Variants in HECW1 observed in about 807,000 individuals in gnomAD.
The protein encoded by HECW1 is E3 ubiquitin-protein ligase HECW1.
Under a neutral mutation model 182.3 loss-of-function variants are expected in HECW1, and 61 were observed. That is an observed-to-expected ratio of 0.33 (90% CI 0.27 to 0.41). HECW1 has a LOEUF of 0.41. Ranked by LOEUF, HECW1 falls within the 10% of genes least tolerant of loss-of-function variation. The pLI, the probability that HECW1 is intolerant of heterozygous loss-of-function variation, is 1.00. For synonymous variants in HECW1, 859 were observed against 832.6 expected (o/e 1.03, Z -0.55); for missense variants, 1,739 against 2,108.9 (o/e 0.82, Z 3.44).
chr7:43,414,821 G>C (rs2075932793), intron 8 of HECW1, among the ~76,000 whole-genome samples: 1 of 151,792 alleles, frequency 6.6e-6, no homozygotes, highest in Admixed American at 6.6e-5. Context: ...TGATCATGGT[G>C]GATAAGCTTT....
intron 8 of HECW1, among the ~76,000 whole-genome samples, chr7:43,436,301 C>T (rs922185889): frequency 2.0e-5 from 3 of 152,044 alleles, no homozygotes; most frequent in Non-Finnish European, 4.4e-5. Flanking sequence ...TTCCTCTTCC[C>T]AGGTAGTTTG....
intron 12 of HECW1, among the ~76,000 whole-genome samples, chr7:43,455,777 G>T (rs956238855): frequency 5.5e-5 from 7 of 127,450 alleles, no homozygotes; most frequent in Middle Eastern, 7.1e-3. Context: ...GATCACCTGA[G>T]GTCAGGAGTT....
intron 6 of HECW1, among the ~76,000 whole-genome samples, chr7:43,375,507 T>C (rs2152822982): frequency 6.6e-6 from 1 of 152,346 alleles, no homozygotes; most frequent in African/African-American, 2.4e-5. Flanking sequence ...AAGGATGTAT[T>C]ATTATTTTAT....
At chr7:43,164,207 G>A (rs549129315) in intron 2 of HECW1, among the ~76,000 whole-genome samples, 27 of 152,288 alleles carry the variant, frequency 1.8e-4, no homozygotes, top group Middle Eastern at 6.8e-3. Flanking sequence ...GGTCTGCATG[G>A]GCTGGAGACA....
intron 5 of HECW1, among the ~76,000 whole-genome samples, chr7:43,347,520 T>G (rs188149909): frequency 1.6e-4 from 24 of 152,256 alleles, no homozygotes; most frequent in African/African-American, 5.5e-4. Context: ...TTTATTTCTT[T>G]CTCTTGTCTG....
intron 12 of HECW1, among the ~76,000 whole-genome samples, chr7:43,454,839 C>T (rs7777192): frequency 6.6e-6 from 1 of 151,614 alleles, no homozygotes; most frequent in Non-Finnish European, 1.5e-5. Flanking sequence ...TGGCTTTTCT[C>T]ACTGAAAAGG....
intron 8 of HECW1, among the ~76,000 whole-genome samples, chr7:43,435,622 G>A (rs2076684980): frequency 6.6e-6 from 1 of 152,128 alleles, no homozygotes; most frequent in Admixed American, 6.5e-5. Context: ...GCTATGTTTG[G>A]AAGTGAACAC....
chr7:43,476,336 A>G (rs1014128278), intron 16 of HECW1, among the ~76,000 whole-genome samples: 1 of 152,180 alleles, frequency 6.6e-6, no homozygotes, highest in Non-Finnish European at 1.5e-5. Context: ...TCTTTCAGTA[A>G]AACAACTACA....
intron 1 of HECW1, chr7:43,113,544 C>A (rs1293594278): frequency 1.1e-5 from 2 of 174,218 alleles, no homozygotes; most frequent in African/African-American, 4.8e-5. Flanking sequence ...GCTCCCCCAG[C>A]GCCTCCCTGT....
At chr7:43,429,806 A>T (rs1298903266) in intron 8 of HECW1, among the ~76,000 whole-genome samples, 1 of 152,206 alleles carries the variant, frequency 6.6e-6, no homozygotes, top group African/African-American at 2.4e-5. Flanking sequence ...GCTGAATGGT[A>T]CCAGGCAGCC....
chr7:43,403,403 A>G (rs1007840698), intron 7 of HECW1, among the ~76,000 whole-genome samples: 1 of 152,210 alleles, frequency 6.6e-6, no homozygotes. Context: ...TGTTTAGTAC[A>G]GTTTATTATG....
chr7:43,550,651 C>T, intron 27 of HECW1, 60 bp downstream of exon 27: 3 of 1,504,902 alleles, frequency 2.0e-6, no homozygotes, highest in Non-Finnish European at 2.7e-6. Context: ...CACGGGGCCT[C>T]ATCCTCCAGG....
chr7:43,432,808 C>T lies in HECW1; in HGVS notation c.802-5195C>T, dbSNP rs553298075. On this transcript the variant is annotated intron_variant, in intron 8 of 29. Transcript: ENST00000395891. The surrounding 1 kb of genome is among the most constrained non-coding windows in gnomAD (Gnocchi z 4.1). ...ATTAAATATTTCCTTTAGTTAGTTA[C>T]CCTGTTTTAATTTCATTAAGTTCAA... 4.6e-4 allele frequency among the ~76,000 whole-genome samples: 70 copies of T among 152,314 alleles called. No homozygotes were observed. Among genetic ancestry groups the T allele is most frequent in the Admixed American group, 9.8e-4 (15 of 15,300 alleles).
intron 7 of HECW1, among the ~76,000 whole-genome samples, chr7:43,403,140 A>T (rs867405881): frequency 2.6e-5 from 4 of 152,144 alleles, no homozygotes; most frequent in Non-Finnish European, 5.9e-5. Flanking sequence ...TTGGCTGAGG[A>T]CCCCCTGTAA....
chr7:43,272,783 C>T (rs930032687), intron 3 of HECW1, among the ~76,000 whole-genome samples: 10 of 152,148 alleles, frequency 6.6e-5, no homozygotes, highest in African/African-American at 2.4e-4. Context: ...GAACTTAAAA[C>T]AGAGCTATCG....
At chr7:43,150,615 G>T (rs1789198681) in intron 2 of HECW1, among the ~76,000 whole-genome samples, 1 of 152,192 alleles carries the variant, frequency 6.6e-6, no homozygotes. Context: ...CTGACCTCAA[G>T]TGATCCACCT....
chr7:43,460,889 G>A (rs2077561359), intron 13 of HECW1, among the ~76,000 whole-genome samples: 1 of 152,166 alleles, frequency 6.6e-6, no homozygotes, highest in Admixed American at 6.5e-5. Context: ...ACTCAGTAAG[G>A]CCTGCAATAA....
At chr7:43,495,638 A>G (rs2079090546) in intron 19 of HECW1, among the ~76,000 whole-genome samples, 1 of 152,176 alleles carries the variant, frequency 6.6e-6, no homozygotes. Flanking sequence ...GATCTTTAGC[A>G]TGAACAAGTG....
intron 8 of HECW1, among the ~76,000 whole-genome samples, chr7:43,436,024 C>T (rs989075055): frequency 6.6e-5 from 10 of 152,056 alleles, no homozygotes; most frequent in African/African-American, 2.2e-4. Flanking sequence ...ATTAGCTGGA[C>T]GTGGTGGCAG....
Sources: allele counts gnomAD v4.1 joint callset (sites outside exome capture counted in the v4.1 genomes callset), GRCh38; gene constraint gnomAD v4.1.1; non-coding constraint Gnocchi (gnomAD v3.1); transcripts MANE v1.5; gene names NCBI Gene and HGNC (gene_info 2026-07-23, HGNC 2026-07-21).